Variants in QPCT observed in about 807,000 individuals in gnomAD.
The protein encoded by QPCT is glutaminyl-peptide cyclotransferase.
In QPCT, 44 loss-of-function variants were observed where a neutral mutation model predicts 43.4. The observed-to-expected ratio is 1.01, with a 90% CI of 0.80 to 1.30. The LOEUF is 1.30. Among genes scored for constraint, QPCT ranks in the 50% most tolerant of loss-of-function variants. The probability of loss-of-function intolerance (pLI) is 0.00; values close to 1 mark genes in which losing one functional copy is unlikely to be tolerated. For missense variants in QPCT, 526 were observed against 436.5 expected, an observed-to-expected ratio of 1.21 and a Z score of -1.83; for synonymous variants, 168 against 168.4, an observed-to-expected ratio of 1.00 and a Z score of 0.02.
chr2:37,347,165 A>ATATATATATATAT (rs1558599309), intron 1 of QPCT, among the ~76,000 whole-genome samples: 1 of 27,342 alleles, frequency 3.7e-5, no homozygotes, highest in Admixed American at 6.7e-4. Context: ...TATATATATA[A>ATATATATATATAT]CATATATATA....
chr2:37,363,833 T>C (rs780607475), intron 3 of QPCT, among the ~76,000 whole-genome samples: 31 of 151,996 alleles, frequency 2.0e-4, no homozygotes, highest in Non-Finnish European at 3.8e-4. Context: ...AACAGAACAA[T>C]TGGTCAATAA....
At chr2:37,368,750 G>A in intron 4 of QPCT, 1 of 466,888 alleles carries the variant, frequency 2.1e-6, no homozygotes, top group South Asian at 1.6e-5. Context: ...ATCAGCAGTA[G>A]AACAAAGTTA....
chr2:37,360,444 G>A (rs1284789327), intron 3 of QPCT, among the ~76,000 whole-genome samples: 1 of 152,182 alleles, frequency 6.6e-6, no homozygotes, highest in East Asian at 1.9e-4. Context: ...ACTCTCAGAT[G>A]TTATTTCAGT....
chr2:37,368,750 GA>G (rs1673015020), intron 4 of QPCT: 3 of 466,888 alleles, frequency 6.4e-6, no homozygotes, highest in Non-Finnish European at 1.3e-5. Flanking sequence ...ATCAGCAGTA[GA>G]ACAAAGTTAT....
chr2:37,372,305 C>T lies in QPCT; in HGVS notation c.824-51C>T, dbSNP rs115966900. ...CCTTAAATAAGGATACATTATGAGT[C>T]TTGATAAGATAAAAATAGTTGTTCA... On this transcript the variant is annotated intron_variant, in intron 5 of 6. Coordinates refer to ENST00000338415, the MANE Select transcript of QPCT (RefSeq NM_012413.4). The T allele has an allele frequency of 1.5e-4, 188 of 1,279,802 alleles. No homozygotes were observed. The African/African-American group carries it at 2.5e-3, about 17-fold the overall frequency. The allele number at this position is 1,279,802 out of a possible 1,614,324, so 79.3% of individuals were successfully genotyped here. A position where few individuals can be genotyped will look rare whatever the true frequency, so the allele number is the denominator to read the frequency against.
chr2:37,356,059 C>T (rs1431956139), intron 2 of QPCT, among the ~76,000 whole-genome samples: 1 of 152,202 alleles, frequency 6.6e-6, no homozygotes, highest in Non-Finnish European at 1.5e-5. Flanking sequence ...GCAGACTTAA[C>T]ACAAATACTG....
chr2:37,360,504 A>G (rs138659850), intron 3 of QPCT, among the ~76,000 whole-genome samples: 129 of 152,300 alleles, frequency 8.5e-4, no homozygotes, highest in African/African-American at 3.0e-3. Flanking sequence ...CTAGATGAAG[A>G]TATTTTGTTC....
At chr2:37,360,232 C>G (rs1672834792) in intron 3 of QPCT, among the ~76,000 whole-genome samples, 1 of 152,194 alleles carries the variant, frequency 6.6e-6, no homozygotes, top group Non-Finnish European at 1.5e-5. Context: ...TCACAACCTT[C>G]TGATCTGAGA....
chr2:37,365,954 G>C (rs1386942040), intron 3 of QPCT, among the ~76,000 whole-genome samples: 1 of 152,164 alleles, frequency 6.6e-6, no homozygotes, highest in Non-Finnish European at 1.5e-5. Context: ...TTTTTCTCTG[G>C]TGAGGTTTAG....
chr2:37,372,297 T>TAA, intron 5 of QPCT, 59 bp from the exon 6 acceptor site: 1 of 1,194,822 alleles, frequency 8.4e-7, no homozygotes, highest in East Asian at 2.3e-5. Flanking sequence ...TAAGGATACA[T>TAA]TATGAGTCTT....
intron 3 of QPCT, among the ~76,000 whole-genome samples, chr2:37,363,644 T>C (rs1229448201): frequency 1.2e-5 from 1 of 80,622 alleles, no homozygotes; most frequent in Non-Finnish European, 2.8e-5. Flanking sequence ...AATAAATAAA[T>C]ACTTTTTTAA....
Position 37,369,682 on chromosome 2 carries a change from C to G in QPCT, c.724-3C>G. The G allele has an allele frequency of 6.3e-7, 1 of 1,577,444 alleles. No homozygotes were observed. The highest frequency in any genetic ancestry group is 8.7e-7 in the Non-Finnish European group (1 of 1,146,724). ...TGATTAAACATTACTTTTTCTCCCT[C>G]AGGATTTATTGGTCTTATTGGATTT... On this transcript the variant is annotated splice_region_variant and splice_polypyrimidine_tract_variant and intron_variant, in intron 4 of 6. Coordinates refer to ENST00000338415, the MANE Select transcript of QPCT (RefSeq NM_012413.4).
chr2:37,368,479 A>C (rs978988637), intron 4 of QPCT: 1 of 412,480 alleles, frequency 2.4e-6, no homozygotes, highest in Non-Finnish European at 5.0e-6. Context: ...CCATCTGTGA[A>C]CTGATAGCTT....
chr2:37,359,151 G>A (rs1672810988), intron 2 of QPCT, among the ~76,000 whole-genome samples: 1 of 151,378 alleles, frequency 6.6e-6, no homozygotes, highest in African/African-American at 2.4e-5. Flanking sequence ...ATAATATATT[G>A]TTAAAGGAGA....
chr2:37,352,802 C>T lies in QPCT; in HGVS notation c.134C>T (p.Pro45Leu), dbSNP rs1672650037. ...AWPEEKNYHQ[P>L]AILNSSALRQ... ...TTCAATCCTCAGAATTACCACCAGC[C>T]AGCCATTTTGAATTCATCGGCTCTT... Residue 45 changes from proline (P) to leucine (L), a missense_variant, in exon 2 of 7, where the codon CCA becomes CTA. Pro to Leu is a moderately conservative substitution (Grantham distance 98). Coordinates refer to ENST00000338415, the MANE Select transcript of QPCT (RefSeq NM_012413.4). The T allele has an allele frequency of 6.2e-7, 1 of 1,613,922 alleles. No individual in the cohort carries two copies. The highest frequency in any genetic ancestry group is 8.5e-7 in the Non-Finnish European group (1 of 1,179,836).
At chr2:37,355,995 GAGGT>G (rs1672737049) in intron 2 of QPCT, among the ~76,000 whole-genome samples, 1 of 152,122 alleles carries the variant, frequency 6.6e-6, no homozygotes, top group Non-Finnish European at 1.5e-5. Flanking sequence ...CAAGAGTAAA[GAGGT>G]ACCCGAGTCT....
At chr2:37,356,203 C>A (rs1672741885) in intron 2 of QPCT, among the ~76,000 whole-genome samples, 1 of 152,226 alleles carries the variant, frequency 6.6e-6, no homozygotes. Context: ...AATCCCCCTA[C>A]CACTCTTTGG....
At position 37,352,919 on chromosome 2, in the gene QPCT, G is replaced by C; in HGVS notation, c.251G>C (p.Ser84Thr). ...GAGCGATACCCGGGATCCCCTGGAA[G>C]CTATGCTGCTCGTCAGGTGAGAACA... The part of the protein sequence containing the change: ...LIERYPGSPG[S>T]YAARQHIMQR... Residue 84 changes from serine (S) to threonine (T), a missense_variant, in exon 2 of 7, where the codon AGC (serine) becomes ACC (threonine). Ser to Thr is a moderately conservative substitution (Grantham distance 58). Coordinates refer to ENST00000338415, the MANE Select transcript of QPCT (RefSeq NM_012413.4). 1 of 1,613,722 alleles carries C rather than the reference G, an allele frequency of 6.2e-7. No homozygotes were observed. Among genetic ancestry groups the C allele is most frequent in the Non-Finnish European group, 8.5e-7 (1 of 1,179,684 alleles).
At chr2:37,363,009 G>A (rs1672882172) in intron 3 of QPCT, among the ~76,000 whole-genome samples, 1 of 152,252 alleles carries the variant, frequency 6.6e-6, no homozygotes, top group Admixed American at 6.5e-5. Flanking sequence ...GAGGGTGACA[G>A]TGGGGCACCC....
Sources: gnomAD v4.1 joint callset for allele counts (sites outside exome capture counted in the v4.1 genomes callset) on GRCh38, gnomAD v4.1.1 for gene constraint, MANE v1.5 for transcripts, NCBI Gene and HGNC (gene_info 2026-07-23, HGNC 2026-07-21) for gene names.